MAML3: variants seen among roughly 807,000 people sequenced by gnomAD.
MAML3 encodes mastermind like transcriptional coactivator 3, also known as mastermind-like protein 3.
A neutral mutation model predicts 101.9 loss-of-function variants in MAML3; 27 were observed. The ratio of observed to expected loss-of-function variants is 0.27; its 90% CI spans 0.20 to 0.37. MAML3 has a LOEUF of 0.37. MAML3 is among the 10% of genes least tolerant of loss of function. MAML3 has a pLI of 1.00. For synonymous variants in MAML3, 501 were observed against 555.9 expected, an observed-to-expected ratio of 0.90 and a Z score of 1.39; for missense variants, 1,316 against 1,444.9, an observed-to-expected ratio of 0.91 and a Z score of 1.45.
At chr4:139,875,778 T>C (rs1578642033) in intron 2 of MAML3, among the ~76,000 whole-genome samples, 1 of 152,174 alleles carries the variant, frequency 6.6e-6, no homozygotes, top group African/African-American at 2.4e-5. Flanking sequence ...TCTAACAGCA[T>C]GGGCACAAAG....
At chr4:140,139,526 T>C (rs1433757958) in intron 1 of MAML3, among the ~76,000 whole-genome samples, 2 of 152,068 alleles carry the variant, frequency 1.3e-5, no homozygotes, top group East Asian at 3.9e-4. Context: ...CCCTATCTCT[T>C]AACAACAACA....
chr4:139,770,385 A>T (rs889281778), intron 2 of MAML3, among the ~76,000 whole-genome samples: 31 of 152,232 alleles, frequency 2.0e-4, no homozygotes, highest in African/African-American at 6.3e-4. Context: ...GTTCCCATGG[A>T]CAGGGCAAAG....
At chr4:139,801,750 C>T (rs975594292) in intron 2 of MAML3, among the ~76,000 whole-genome samples, 3 of 151,722 alleles carry the variant, frequency 2.0e-5, no homozygotes, top group Non-Finnish European at 2.9e-5. Context: ...TTGGAACTTA[C>T]GGGTAGCAGT....
At chr4:139,871,557 A>T (rs1048202457) in intron 2 of MAML3, among the ~76,000 whole-genome samples, 5 of 152,190 alleles carry the variant, frequency 3.3e-5, no homozygotes, top group Non-Finnish European at 1.5e-5. Context: ...CTCTCCTGCC[A>T]ATCACTTTGA....
chr4:140,020,711 G>C (rs1258338155), intron 1 of MAML3, among the ~76,000 whole-genome samples: 2 of 152,124 alleles, frequency 1.3e-5, no homozygotes, highest in African/African-American at 4.8e-5. Context: ...GAAGGGTGAA[G>C]AGTCTTATTA....
chr4:140,135,852 T>A (rs1728873622), intron 1 of MAML3, among the ~76,000 whole-genome samples: 8 of 152,238 alleles, frequency 5.3e-5, no homozygotes, highest in Admixed American at 5.2e-4. Context: ...ATTACTTTTC[T>A]GGGAATTCAA....
chr4:140,141,907 T>A (rs1158163879), intron 1 of MAML3, among the ~76,000 whole-genome samples: 1 of 152,246 alleles, frequency 6.6e-6, no homozygotes, highest in East Asian at 1.9e-4. Context: ...TTTCTCTTTA[T>A]ACATATTATA....
At chr4:139,728,291 A>G (rs1728557985) in intron 3 of MAML3, among the ~76,000 whole-genome samples, 2 of 152,090 alleles carry the variant, frequency 1.3e-5, no homozygotes, top group African/African-American at 4.8e-5. Context: ...CTAAATCTGC[A>G]CCCTCCTCAG....
At position 140,101,114 on chromosome 4, in the gene MAML3, G is replaced by C. The variant is rs562462488; in HGVS notation, c.468+51746C>G. 2.6e-5 allele frequency among the ~76,000 whole-genome samples: 4 copies of C among 152,256 alleles called. No homozygotes were observed. The South Asian group carries it at 8.3e-4, about 32-fold the overall frequency. On this transcript the variant is annotated intron_variant, in intron 1 of 4. Transcript: ENST00000509479. ...AGCCATTGACTGACTAACAGCAAGG[G>C]ACCAGAGTCGACGCTACATGGAATA...
At position 139,889,572 on chromosome 4, in the gene MAML3, T is replaced by C; in HGVS notation, c.1864A>G (p.Asn622Asp). ...LSQRMTPPVA[N>D]PNKNPLMPYI... ...GGCATCAAGGGGTTTTTGTTGGGGT[T>C]GGCCACTGGTGGTGTCATCCTCTGA... The change falls in exon 2 of 5, where the codon AAC (asparagine) becomes GAC (aspartate). Residue 622 changes from asparagine to aspartate, a missense_variant. Asn to Asp is a conservative substitution (Grantham distance 23, BLOSUM62 1). Coordinates refer to ENST00000509479, the MANE Select transcript of MAML3 (RefSeq NM_018717.5). The C allele has an allele frequency of 6.2e-7, 1 of 1,613,810 alleles. No homozygotes were observed. Among genetic ancestry groups the C allele is most frequent in the Non-Finnish European group, 8.5e-7 (1 of 1,179,848 alleles).
intron 1 of MAML3, among the ~76,000 whole-genome samples, chr4:140,000,157 T>TAA (rs1170192249): frequency 1.3e-5 from 2 of 152,240 alleles, no homozygotes; most frequent in Non-Finnish European, 2.9e-5. Context: ...TTGCTAAGGT[T>TAA]AAACAGCAAT....
chr4:139,908,241 A>G (rs999367452), intron 1 of MAML3, among the ~76,000 whole-genome samples: 2 of 147,154 alleles, frequency 1.4e-5, no homozygotes, highest in African/African-American at 2.4e-5. Flanking sequence ...CTTTATGTAA[A>G]CCATATGTTT....
At chr4:139,897,631 C>T (rs144713429) in intron 1 of MAML3, among the ~76,000 whole-genome samples, 1,735 of 152,320 alleles carry the variant, frequency 0.011, 29 homozygotes, top group African/African-American at 0.04. Flanking sequence ...TCATGAATTT[C>T]TGTAGCAGCT....
chr4:140,016,892 C>G (rs939286194), intron 1 of MAML3, among the ~76,000 whole-genome samples: 1 of 152,072 alleles, frequency 6.6e-6, no homozygotes, highest in Non-Finnish European at 1.5e-5. Flanking sequence ...TCTTTGGGAG[C>G]TAGAGCTAGG....
At chr4:140,024,650 C>A (rs2110881943) in intron 1 of MAML3, among the ~76,000 whole-genome samples, 1 of 152,140 alleles carries the variant, frequency 6.6e-6, no homozygotes, top group East Asian at 1.9e-4. Context: ...AACAATAGAA[C>A]CACCACCAAA....
chr4:139,739,504 T>C (rs1729078237), intron 2 of MAML3, among the ~76,000 whole-genome samples: 1 of 152,156 alleles, frequency 6.6e-6, no homozygotes, highest in Admixed American at 6.5e-5. Flanking sequence ...CCAAAGCAAT[T>C]CTACATTGGT....
At chr4:139,754,711 C>T (rs1729608955) in intron 2 of MAML3, among the ~76,000 whole-genome samples, 1 of 152,140 alleles carries the variant, frequency 6.6e-6, no homozygotes, top group African/African-American at 2.4e-5. Context: ...ATTTACACTT[C>T]CATCAGGAAT....
intron 1 of MAML3, among the ~76,000 whole-genome samples, chr4:139,915,039 T>C (rs1733001115): frequency 6.6e-6 from 1 of 152,198 alleles, no homozygotes; most frequent in South Asian, 2.1e-4. Flanking sequence ...TCTAAAATCA[T>C]TCAATTACCT....
chr4:139,896,379 G>C (rs996986520), intron 1 of MAML3, among the ~76,000 whole-genome samples: 5 of 152,148 alleles, frequency 3.3e-5, no homozygotes, highest in African/African-American at 4.8e-5. Flanking sequence ...ACTCTTTCCT[G>C]AGCATCAGCC....
Sources: allele counts gnomAD v4.1 joint callset (sites outside exome capture counted in the v4.1 genomes callset), GRCh38; gene constraint gnomAD v4.1.1; transcripts MANE v1.5; gene names NCBI Gene and HGNC (gene_info 2026-07-23, HGNC 2026-07-21).